The following ZSCAN5A variants were observed in gnomAD, a reference collection of about 807,000 sequenced individuals.
ZSCAN5A encodes zinc finger and SCAN domain containing 5A.
A neutral mutation model predicts 23.7 loss-of-function variants in ZSCAN5A; 12 were observed. That is an observed-to-expected ratio of 0.51 (90% confidence interval 0.32 to 0.82). The LOEUF (loss-of-function observed/expected upper bound fraction) is 0.82. Among genes scored for constraint, ZSCAN5A ranks in the 40% least tolerant of loss-of-function variants. The pLI is 0.03. For missense variants in ZSCAN5A, 597 were observed against 617.9 expected, an observed-to-expected ratio of 0.97 and a Z score of 0.36; for synonymous variants, 257 against 239.9, an observed-to-expected ratio of 1.07 and a Z score of -0.66.
At chr19:56,283,744 C>A (rs1476371874) in intron 2 of ZSCAN5A, 1 of 151,928 alleles carries the variant, frequency 6.6e-6, no homozygotes, top group Non-Finnish European at 1.5e-5. Context: ...CTCTGCAAAT[C>A]ACGTAATTCC....
intron 2 of ZSCAN5A, chr19:56,228,486 T>G (rs1295874031): frequency 1.0e-6 from 1 of 967,818 alleles, no homozygotes; most frequent in Non-Finnish European, 1.2e-6. Flanking sequence ...ATGCCTACTG[T>G]GCAAATATTT....
intron 2 of ZSCAN5A, among the ~76,000 whole-genome samples, chr19:56,277,416 G>A (rs897968663): frequency 6.6e-6 from 1 of 152,066 alleles, no homozygotes; most frequent in Non-Finnish European, 1.5e-5. Context: ...ATTATTCTCA[G>A]TGAAAGATGC....
At chr19:56,243,306 C>T (rs1487718743) in intron 2 of ZSCAN5A, among the ~76,000 whole-genome samples, 1 of 152,104 alleles carries the variant, frequency 6.6e-6, no homozygotes, top group South Asian at 2.1e-4. Context: ...GATGGTTGCA[C>T]AGCATGGTGC....
At chr19:56,245,971 G>A (rs61413796) in intron 2 of ZSCAN5A, among the ~76,000 whole-genome samples, 4,114 of 152,260 alleles carry the variant, frequency 0.027, 182 homozygotes, top group African/African-American at 0.094. Flanking sequence ...CCCAATGCCA[G>A]TGGTGCCAGG....
intron 2 of ZSCAN5A, among the ~76,000 whole-genome samples, chr19:56,346,872 C>A (rs781061900): frequency 6.6e-6 from 1 of 152,154 alleles, no homozygotes; most frequent in Non-Finnish European, 1.5e-5. Flanking sequence ...GGACTACAGG[C>A]ACCTGCTACC....
intron 2 of ZSCAN5A, among the ~76,000 whole-genome samples, chr19:56,235,165 T>G (rs74182593): frequency 0.039 from 1,069 of 27,142 alleles, 8 homozygotes; most frequent in East Asian, 0.043. Context: ...AGCCTCTGAT[T>G]GACCGTGGGC....
chr19:56,359,118 A>C (rs1477750354), intron 2 of ZSCAN5A, among the ~76,000 whole-genome samples: 1 of 152,168 alleles, frequency 6.6e-6, no homozygotes, highest in African/African-American at 2.4e-5. Flanking sequence ...ACCCTTCAAA[A>C]AAATCGACAA....
chr19:56,333,946 T>G (rs1055908564), intron 2 of ZSCAN5A, among the ~76,000 whole-genome samples: 1 of 152,160 alleles, frequency 6.6e-6, no homozygotes, highest in Admixed American at 6.5e-5. Context: ...GAAGCCATTG[T>G]AAGAATTCTG....
chr19:56,271,059 G>A (rs931111458), intron 2 of ZSCAN5A, among the ~76,000 whole-genome samples: 3 of 152,234 alleles, frequency 2.0e-5, no homozygotes, highest in Non-Finnish European at 4.4e-5. Flanking sequence ...CTAGTGTTAT[G>A]AGTTAGGGAC....
chr19:56,366,752 T>C lies in ZSCAN5A; in HGVS notation c.-522+1457A>G, dbSNP rs143015552. 5.5e-3 allele frequency among the ~76,000 whole-genome samples: 841 copies of C among 152,362 alleles called. 4 individuals are homozygous for C. Among genetic ancestry groups the C allele is most frequent in the Non-Finnish European group, 9.8e-3 (669 of 68,036 alleles). On this transcript the variant is annotated intron_variant, in intron 1 of 6. Transcript: ENST00000587340. Reference sequence around the variant, plus strand: ...ATGTGATCTGGCAATGCCCAATTCATGAACTGCTATCTGCTTAAACTCTTT... The same window carrying C: ...ATGTGATCTGGCAATGCCCAATTCACGAACTGCTATCTGCTTAAACTCTTT...
intron 2 of ZSCAN5A, among the ~76,000 whole-genome samples, chr19:56,353,579 C>T (rs1398497540): frequency 2.0e-5 from 3 of 151,926 alleles, no homozygotes; most frequent in African/African-American, 4.8e-5. Flanking sequence ...AGATCGAGAC[C>T]ATCCTGGCTA....
At chr19:56,331,892 T>C (rs1040300182) in intron 2 of ZSCAN5A, among the ~76,000 whole-genome samples, 4 of 152,096 alleles carry the variant, frequency 2.6e-5, no homozygotes, top group Non-Finnish European at 5.9e-5. Context: ...AGCCTAGTAT[T>C]TCAAAGAATT....
chr19:56,299,898 G>T (rs909121536), intron 2 of ZSCAN5A: 1 of 152,196 alleles, frequency 6.6e-6, no homozygotes. Context: ...CAGATGAGAC[G>T]TTCTTGCTAT....
chr19:56,221,422 C>G lies in ZSCAN5A; in HGVS notation c.*153G>C, dbSNP rs780033261. 2.6e-4 allele frequency: 213 copies of G among 821,570 alleles called. No homozygotes were observed. The highest frequency in any genetic ancestry group is 2.8e-4 in the Non-Finnish European group (148 of 537,524). The allele number at this position is 821,570 out of a possible 1,614,324, so 50.9% of individuals were successfully genotyped here. ...AGAAAACAAAGCTCAGTGGGGAGGA[C>G]ACATATTTACTCAAACATCCTGGCA... On this transcript the variant is annotated 3_prime_UTR_variant, in exon 6 of 6. Coordinates refer to ENST00000683990, the MANE Select transcript of ZSCAN5A (RefSeq NM_001322064.3).
At chr19:56,239,419 C>T (rs2035235141) in intron 2 of ZSCAN5A, among the ~76,000 whole-genome samples, 1 of 152,208 alleles carries the variant, frequency 6.6e-6, no homozygotes, top group Admixed American at 6.5e-5. Context: ...ATAATTCACA[C>T]CTAACATTAA....
chr19:56,321,247 TATCAGTAGTGCCAGCAATCATC>T (rs1301474234), intron 2 of ZSCAN5A: 14 of 670,120 alleles, frequency 2.1e-5, no homozygotes, highest in Admixed American at 6.1e-5. Context: ...TCAGTTGGGG[TATCAGTAGTGCCAGCAATCATC>T]ATCTTTTGCC....
chr19:56,302,537 T>C (rs2040348676), intron 2 of ZSCAN5A, among the ~76,000 whole-genome samples: 4 of 49,278 alleles, frequency 8.1e-5, no homozygotes, highest in East Asian at 4.2e-4. Flanking sequence ...TCCCTCTTCT[T>C]CCTCCCCGTT....
At position 56,268,307 on chromosome 19, in the gene ZSCAN5A, C is replaced by T. The variant is rs1431634044; in HGVS notation, c.-127-43134G>A. Among the ~76,000 whole-genome samples the T allele has an allele frequency of 2.0e-5, 3 of 152,288 alleles. No homozygotes were observed. The East Asian group carries it at 5.8e-4, about 29-fold the overall frequency. ...GAGACCCCTTGTGTGGGCGCTGCCC[C>T]TGTGGGTGTAATGGCCCCTGCGGCA... On this transcript the variant is annotated intron_variant, in intron 2 of 5. Coordinates refer to ENST00000683990, the MANE Select transcript of ZSCAN5A (RefSeq NM_001322064.3).
chr19:56,346,467 A>C (rs1302762013), intron 2 of ZSCAN5A, among the ~76,000 whole-genome samples: 1 of 151,976 alleles, frequency 6.6e-6, no homozygotes, highest in Non-Finnish European at 1.5e-5. Context: ...CAAACTCCAT[A>C]AAGGAGTTGC....
Sources: gnomAD v4.1 joint callset for allele counts (sites outside exome capture counted in the v4.1 genomes callset) on GRCh38, gnomAD v4.1.1 for gene constraint, MANE v1.5 for transcripts, NCBI Gene and HGNC (gene_info 2026-07-23, HGNC 2026-07-21) for gene names.